Variants in ERC1 observed in about 807,000 individuals in gnomAD.
ERC1 encodes the protein RAB6 interacting protein 2.
ERC1 carries 56 observed loss-of-function variants against 132.0 expected under a neutral mutation model. That is an observed-to-expected ratio of 0.42 (90% CI 0.34 to 0.53). The LOEUF (loss-of-function observed/expected upper bound fraction) is 0.53. Among genes scored for constraint, ERC1 ranks in the 20% least tolerant of loss-of-function variants. The pLI is 0.03. For missense variants in ERC1, 1,202 were observed against 1,349.9 expected (o/e 0.89, Z 1.72); for synonymous variants, 478 against 476.1 (o/e 1.00, Z -0.05).
intron 8 of ERC1, among the ~76,000 whole-genome samples, chr12:1,165,728 G>A (rs1468317629): frequency 1.3e-5 from 2 of 152,170 alleles, no homozygotes; most frequent in African/African-American, 2.4e-5. Context: ...AACTTAGAGT[G>A]TTTTCACAAT....
intron 7 of ERC1, among the ~76,000 whole-genome samples, chr12:1,122,011 A>C (rs28372044): frequency 3.5e-3 from 4 of 1,138 alleles, no homozygotes; most frequent in African/African-American, 3.9e-3. Flanking sequence ...ATCTCTATCT[A>C]TCTCTATCTC....
chr12:1,031,595 T>TTA (rs1968060428), intron 2 of ERC1, among the ~76,000 whole-genome samples: 1 of 152,216 alleles, frequency 6.6e-6, no homozygotes, highest in African/African-American at 2.4e-5. Context: ...CTCAGATACA[T>TTA]TATAACTTCA....
intron 8 of ERC1, among the ~76,000 whole-genome samples, chr12:1,180,253 A>ATGTGTGTGTGTGTGTGTG (rs3216970): frequency 4.1e-5 from 6 of 146,604 alleles, no homozygotes; most frequent in African/African-American, 1.5e-4. Flanking sequence ...TTTGTTAGGG[A>ATGTGTGTGTGTGTGTGTG]TGTGTGTGTG....
chr12:1,431,808 A>T (rs780392934), intron 17 of ERC1, among the ~76,000 whole-genome samples: 1 of 152,200 alleles, frequency 6.6e-6, no homozygotes, highest in Non-Finnish European at 1.5e-5. Context: ...TTAATATTAT[A>T]TTTACCCTGT....
At chr12:1,041,538 A>T (rs1970216898) in intron 2 of ERC1, among the ~76,000 whole-genome samples, 1 of 152,136 alleles carries the variant, frequency 6.6e-6, no homozygotes, top group South Asian at 2.1e-4. Context: ...GGAAAGGAGG[A>T]CTACAAATCT....
intron 1 of ERC1, among the ~76,000 whole-genome samples, chr12:1,016,701 G>A (rs1965578574): frequency 6.7e-6 from 1 of 148,334 alleles, no homozygotes; most frequent in Admixed American, 6.8e-5. Flanking sequence ...CTGGAGTGCA[G>A]TGGTGCGATC....
chr12:1,138,175 AT>A (rs1949495924), intron 7 of ERC1, among the ~76,000 whole-genome samples: 1 of 120,816 alleles, frequency 8.3e-6, no homozygotes, highest in Non-Finnish European at 1.6e-5. Context: ...ATAATTGTAT[AT>A]AATATATATC....
intron 2 of ERC1, among the ~76,000 whole-genome samples, chr12:1,053,647 T>C (rs1456137154): frequency 6.6e-6 from 1 of 152,244 alleles, no homozygotes; most frequent in African/African-American, 2.4e-5. Flanking sequence ...TTCTATTTAG[T>C]CTTTCTAGAC....
At position 1,093,981 on chromosome 12, in the gene ERC1, A is replaced by ATATATATATATATATATATATT. The variant is rs1555236298; in HGVS notation, c.1086+10405_1086+10406insTATATATATATATATATTTATA. ...TCTATATATATATATATATATATAT[A>ATATATATATATATATATATATT]TATAGAAAAACATAGAAAATGAATA... On this transcript the variant is annotated intron_variant, in intron 3 of 18. Coordinates refer to ENST00000360905, the MANE Select transcript of ERC1 (RefSeq NM_178040.4). 4.7e-3 allele frequency among the ~76,000 whole-genome samples: 616 copies of ATATATATATATATATATATATT among 131,972 alleles called. 12 individuals are homozygous for ATATATATATATATATATATATT. Among genetic ancestry groups the ATATATATATATATATATATATT allele is most frequent in the African/African-American group, 0.014 (500 of 36,804 alleles). 86.6% of individuals were successfully genotyped at this position (131,972 alleles called of 152,430 possible).
chr12:1,049,576 T>G (rs1202451309), intron 2 of ERC1, among the ~76,000 whole-genome samples: 4 of 152,072 alleles, frequency 2.6e-5, no homozygotes, highest in Non-Finnish European at 5.9e-5. Flanking sequence ...GGATAAGAGT[T>G]GGTAGTGTGA....
At chr12:1,374,300 A>G (rs1398819837) in intron 16 of ERC1, among the ~76,000 whole-genome samples, 1 of 152,178 alleles carries the variant, frequency 6.6e-6, no homozygotes. Context: ...TATTGTCAGA[A>G]AGAGGTGAAG....
At chr12:1,372,007 T>TGGGG (rs2087295585) in intron 16 of ERC1, 30 bp downstream of exon 16, 3 of 1,609,892 alleles carry the variant, frequency 1.9e-6, no homozygotes, top group Non-Finnish European at 2.5e-6. Flanking sequence ...GGAGGGTCAG[T>TGGGG]GGGGCCAGCT....
At chr12:1,074,505 A>G (rs6489256) in intron 2 of ERC1, among the ~76,000 whole-genome samples, 10,985 of 151,802 alleles carry the variant, frequency 0.072, 696 homozygotes, top group African/African-American at 0.17. Context: ...ATGTTGGTCA[A>G]ACTGGTCTCA....
intron 1 of ERC1, among the ~76,000 whole-genome samples, chr12:1,026,141 C>T (rs1966871984): frequency 1.3e-5 from 2 of 152,060 alleles, no homozygotes; most frequent in Admixed American, 6.6e-5. Context: ...GCTGGGGAGA[C>T]CTCACAATCA....
At chr12:998,298 C>T (rs1565743215) in intron 1 of ERC1, 1 of 152,234 alleles carries the variant, frequency 6.6e-6, no homozygotes, top group Non-Finnish European at 1.5e-5. Context: ...TACCCCCTAA[C>T]TTAAGAAACA....
rs370750239 is a variant in ERC1 at position 1,236,782 on chromosome 12, C to G, written c.2365C>G (p.Gln789Glu). The G allele has an allele frequency of 3.7e-6, 6 of 1,612,980 alleles. No homozygotes were observed. In the African/African-American group the frequency reaches 6.7e-5, roughly 18 times the overall value. Reference sequence around the variant, plus strand: ...TTCTGTCATTAGGCAAGTGAAAGACCAGAATAAGAAGGTAGCAAATCTGAA... The same window carrying G: ...TTCTGTCATTAGGCAAGTGAAAGACGAGAATAAGAAGGTAGCAAATCTGAA... Reference protein sequence around the residue: ...IAELERQVKDQNKKVANLKHK... With the variant: ...IAELERQVKDENKKVANLKHK... Residue 789 changes from glutamine (Q) to glutamate (E), a missense_variant, in exon 13 of 19, where the codon CAG (glutamine) becomes GAG (glutamate). Gln to Glu is a conservative substitution (Grantham distance 29). Coordinates refer to ENST00000360905, the MANE Select transcript of ERC1 (RefSeq NM_178040.4).
chr12:1,167,010 T>C (rs1343065093), intron 8 of ERC1, among the ~76,000 whole-genome samples: 3 of 152,260 alleles, frequency 2.0e-5, no homozygotes, highest in African/African-American at 7.2e-5. Context: ...TCTGTGCTTA[T>C]CTGTGTCGTT....
intron 15 of ERC1, among the ~76,000 whole-genome samples, chr12:1,292,463 G>C (rs1405993551): frequency 6.6e-6 from 1 of 152,126 alleles, no homozygotes; most frequent in Non-Finnish European, 1.5e-5. Flanking sequence ...AAAAATATTA[G>C]AATCTCCTGA....
Position 1,458,688 on chromosome 12 carries a change from G to A in ERC1, c.3213+13938G>A, listed in dbSNP as rs548153111. Among the ~76,000 whole-genome samples, 40 of 152,068 alleles carry A rather than the reference G, an allele frequency of 2.6e-4. No individual in the cohort carries two copies. In the South Asian group the frequency reaches 7.7e-3, roughly 29 times the overall value. On this transcript the variant is annotated intron_variant, in intron 18 of 18. Transcript: ENST00000360905. ...TAACTGAATCGGATTACAGGCATGC[G>A]CCACCATGCCCGGCTAATTTTGTAT...
Sources: allele counts gnomAD v4.1 joint callset (sites outside exome capture counted in the v4.1 genomes callset), GRCh38; gene constraint gnomAD v4.1.1; transcripts MANE v1.5; gene names NCBI Gene and HGNC (gene_info 2026-07-23, HGNC 2026-07-21).